Variants in MB observed in about 807,000 individuals in gnomAD.
MB encodes the protein myoglobin.
MB carries 10 observed loss-of-function variants against 14.5 expected under a neutral mutation model. That is an observed-to-expected ratio of 0.69 (90% CI 0.43 to 1.17). The LOEUF is 1.17. Ranked by LOEUF, MB falls within the 50% of genes most tolerant of loss-of-function variation. MB has a pLI of 0.00. For missense variants in MB, 169 were observed against 192.7 expected, an observed-to-expected ratio of 0.88 and a Z score of 0.73; for synonymous variants, 89 against 78.6, an observed-to-expected ratio of 1.13 and a Z score of -0.70.
At chr22:35,615,735 C>T (rs1391333477) in intron 1 of MB, 1 of 152,208 alleles carries the variant, frequency 6.6e-6, no homozygotes, top group Non-Finnish European at 1.5e-5. Flanking sequence ...GAGACTTGTC[C>T]AAGGTCACAT....
At chr22:35,609,871 A>T (rs1466231509) in intron 2 of MB, among the ~76,000 whole-genome samples, 1 of 152,174 alleles carries the variant, frequency 6.6e-6, no homozygotes, top group Non-Finnish European at 1.5e-5. Flanking sequence ...TGTAAATAAA[A>T]TTGTTGGATG....
At chr22:35,621,221 G>A (rs1391728894), upstream of MB, among the ~76,000 whole-genome samples, 6 of 152,004 alleles carry the variant, frequency 3.9e-5, no homozygotes, top group South Asian at 4.2e-4. Flanking sequence ...CTACACACAC[G>A]CACACACACG....
intron 2 of MB, among the ~76,000 whole-genome samples, chr22:35,610,248 C>A (rs776440334): frequency 1.3e-5 from 2 of 152,152 alleles, no homozygotes; most frequent in Non-Finnish European, 2.9e-5. Context: ...CCTGATCCAC[C>A]CAACTTTCCA....
upstream of MB, among the ~76,000 whole-genome samples, chr22:35,620,910 G>T (rs1923420878): frequency 6.6e-6 from 1 of 152,208 alleles, no homozygotes; most frequent in Non-Finnish European, 1.5e-5. Flanking sequence ...CGCTTGGCAA[G>T]CGCCCCCATT....
In MB at chr22:35,606,880, C is replaced by T. The variant is rs1339537142; in HGVS notation, c.*417G>A. Reference sequence around the variant, plus strand: ...CAGCTGGCCCGCCCAGCCCAGATCTCCTCCTCATTGCAAAGGGACATTCTG... The same window carrying T: ...CAGCTGGCCCGCCCAGCCCAGATCTTCTCCTCATTGCAAAGGGACATTCTG... On this transcript the variant is annotated 3_prime_UTR_variant, in exon 3 of 3. Coordinates refer to ENST00000397326, the MANE Select transcript of MB (RefSeq NM_005368.3). 6.3e-6 allele frequency: 1 copy of T among 158,670 alleles called. No homozygotes were observed. Among genetic ancestry groups the T allele is most frequent in the Admixed American group, 6.3e-5 (1 of 15,862 alleles). The allele number at this position is 158,670 out of a possible 1,614,324, so 9.8% of individuals were successfully genotyped here.
At chr22:35,616,749 T>A (rs1352284216) in intron 1 of MB, among the ~76,000 whole-genome samples, 1 of 152,174 alleles carries the variant, frequency 6.6e-6, no homozygotes, top group Non-Finnish European at 1.5e-5. Flanking sequence ...GAAGAGCATG[T>A]CTTAACCTTG....
upstream of MB, among the ~76,000 whole-genome samples, chr22:35,621,236 A>G (rs533972265): frequency 6.6e-6 from 1 of 152,290 alleles, no homozygotes; most frequent in African/African-American, 2.4e-5. Flanking sequence ...CACACGCACG[A>G]ATGCAGGGCA....
intron 1 of MB, among the ~76,000 whole-genome samples, chr22:35,622,931 C>T (rs1486860511): frequency 6.6e-6 from 1 of 152,236 alleles, no homozygotes; most frequent in Admixed American, 6.5e-5. Context: ...GATGTGCCCT[C>T]TTCCCCACTC....
chr22:35,617,254 C>T lies in MB; in HGVS notation c.4G>A (p.Gly2Arg), dbSNP rs777444053. The T allele has an allele frequency of 6.2e-7, 1 of 1,613,812 alleles. No individual in the cohort carries two copies. The highest frequency in any genetic ancestry group is 1.1e-5 in the South Asian group (1 of 91,066). Reference sequence around the variant, plus strand: ...AACTGCCATTCCCCGTCGCTGAGCCCCATGGCGCAGTCTGAAGAAGACAAA... The same window carrying T: ...AACTGCCATTCCCCGTCGCTGAGCCTCATGGCGCAGTCTGAAGAAGACAAA... MGLSDGEWQLVL... is the reference protein window; with the variant it reads MRLSDGEWQLVL... The change falls in exon 1 of 3, where the codon GGG (glycine) becomes AGG (arginine). Residue 2 changes from glycine to arginine, a missense_variant. Transcript: ENST00000397326.
chr22:35,619,946 A>G (rs928749970), upstream of MB, among the ~76,000 whole-genome samples: 2 of 152,136 alleles, frequency 1.3e-5, no homozygotes, highest in South Asian at 2.1e-4. Context: ...TTCCCTAGTG[A>G]CCATTCCAGA....
chr22:35,607,474 A>G (rs1220124138), intron 2 of MB, 31 bp from the exon 3 acceptor site: 1 of 1,607,572 alleles, frequency 6.2e-7, no homozygotes, highest in Non-Finnish European at 8.5e-7. Flanking sequence ...GAAAATGGTC[A>G]CCAGGGTGGG....
chr22:35,611,371 T>C (rs1271095344), intron 1 of MB, among the ~76,000 whole-genome samples: 1 of 152,142 alleles, frequency 6.6e-6, no homozygotes, highest in Non-Finnish European at 1.5e-5. Flanking sequence ...ATTTTACAGA[T>C]GTGGAAACCG....
At position 35,617,268 on chromosome 22, in the gene MB, G is replaced by T; in HGVS notation, c.-11C>A. On this transcript the variant is annotated 5_prime_UTR_variant, in exon 1 of 3. Coordinates refer to ENST00000397326, the MANE Select transcript of MB (RefSeq NM_005368.3). ...GTCGCTGAGCCCCATGGCGCAGTCTGAAGAAGACAAAAAGAGCAAGTATGG... is the reference window on the plus strand; with the variant it reads ...GTCGCTGAGCCCCATGGCGCAGTCTTAAGAAGACAAAAAGAGCAAGTATGG... 6.2e-7 allele frequency: 1 copy of T among 1,611,940 alleles called. No individual in the cohort carries two copies. Among genetic ancestry groups the T allele is most frequent in the African/African-American group, 1.3e-5 (1 of 74,976 alleles).
At chr22:35,612,917 C>T (rs1222596579) in intron 1 of MB, among the ~76,000 whole-genome samples, 2 of 152,152 alleles carry the variant, frequency 1.3e-5, no homozygotes, top group Non-Finnish European at 2.9e-5. Context: ...CCAGCACACG[C>T]CATACTCACC....
intron 1 of MB, among the ~76,000 whole-genome samples, chr22:35,615,136 T>C (rs1922974436): frequency 6.6e-6 from 1 of 152,138 alleles, no homozygotes; most frequent in Non-Finnish European, 1.5e-5. Context: ...TTTGCCCTCT[T>C]TTACAATCAG....
At chr22:35,611,148 G>A (rs1193914568) in intron 1 of MB, 42 bp from the exon 2 acceptor site, 2 of 1,459,982 alleles carry the variant, frequency 1.4e-6, no homozygotes, top group African/African-American at 2.8e-5. Context: ...GGGAGGTGCG[G>A]TGTGAGGTCT....
intron 2 of MB, among the ~76,000 whole-genome samples, chr22:35,609,040 T>G (rs981865569): frequency 6.6e-6 from 1 of 152,176 alleles, no homozygotes; most frequent in Non-Finnish European, 1.5e-5. Context: ...TAGGGAGACC[T>G]GGGTTCTAGT....
chr22:35,611,384 GT>G (rs1569119714), intron 1 of MB, among the ~76,000 whole-genome samples: 1 of 152,162 alleles, frequency 6.6e-6, no homozygotes, highest in Non-Finnish European at 1.5e-5. Context: ...GGAAACCGAG[GT>G]TCTGAGGCGT....
chr22:35,621,793 C>T (rs1266239795), upstream of MB, among the ~76,000 whole-genome samples: 1 of 152,158 alleles, frequency 6.6e-6, no homozygotes, highest in African/African-American at 2.4e-5. Flanking sequence ...CTTTTCTTGT[C>T]CAGACTGAAC....
Sources: allele counts gnomAD v4.1 joint callset (sites outside exome capture counted in the v4.1 genomes callset), GRCh38; gene constraint gnomAD v4.1.1; transcripts MANE v1.5; gene names NCBI Gene and HGNC (gene_info 2026-07-23, HGNC 2026-07-21).